Variants in DMXL2 observed in about 807,000 individuals in gnomAD.
DMXL2 encodes the protein dmX-like protein 2.
Under a neutral mutation model 331.1 loss-of-function variants are expected in DMXL2, and 103 were observed. The observed-to-expected ratio is 0.31, with a 90% CI of 0.27 to 0.37. DMXL2 has a LOEUF of 0.37. DMXL2 is among the 10% of genes least tolerant of loss of function. The probability of loss-of-function intolerance (pLI) is 1.00; values close to 1 mark genes in which losing one functional copy is unlikely to be tolerated. For missense variants in DMXL2, 3,171 were observed against 3,642.9 expected (o/e 0.87, Z 3.33); for synonymous variants, 1,281 against 1,252.1 (o/e 1.02, Z -0.49).
intron 36 of DMXL2, 178 bp from the exon 37 acceptor site, chr15:51,457,644 T>C: frequency 1.6e-6 from 1 of 631,364 alleles, no homozygotes; most frequent in Non-Finnish European, 2.5e-6. Flanking sequence ...CTTTTTTCCC[T>C]TTTGGCAAAA....
intron 1 of DMXL2, among the ~76,000 whole-genome samples, chr15:51,590,841 T>A (rs2052251034): frequency 6.6e-6 from 1 of 152,292 alleles, no homozygotes; most frequent in Non-Finnish European, 1.5e-5. Flanking sequence ...CATGTGCTTA[T>A]ATTTTGCTAG....
At chr15:51,606,426 C>G (rs961766515) in intron 1 of DMXL2, among the ~76,000 whole-genome samples, 2 of 152,114 alleles carry the variant, frequency 1.3e-5, no homozygotes, top group African/African-American at 4.8e-5. Flanking sequence ...AACTCCTGAC[C>G]TCAGGTTATC....
intron 29 of DMXL2, among the ~76,000 whole-genome samples, chr15:51,466,949 G>C (rs1410415439): frequency 6.6e-6 from 1 of 151,824 alleles, no homozygotes; most frequent in Admixed American, 6.6e-5. Flanking sequence ...ATGTAGTCTA[G>C]ATTGATGCAA....
At chr15:51,607,781 G>A (rs79942016) in intron 1 of DMXL2, among the ~76,000 whole-genome samples, 13,445 of 152,170 alleles carry the variant, frequency 0.088, 888 homozygotes, top group Non-Finnish European at 0.13. Context: ...AGCAGTTTAC[G>A]TCTCAACAGA....
chr15:51,579,228 C>T (rs1361814411), intron 1 of DMXL2, among the ~76,000 whole-genome samples: 2 of 152,162 alleles, frequency 1.3e-5, no homozygotes, highest in Non-Finnish European at 2.9e-5. Flanking sequence ...TCCTGTTGAA[C>T]CAGAGTTACG....
intron 3 of DMXL2, among the ~76,000 whole-genome samples, chr15:51,565,912 T>C (rs2050238150): frequency 6.6e-6 from 1 of 152,140 alleles, no homozygotes; most frequent in Non-Finnish European, 1.5e-5. Context: ...GTATACAAGG[T>C]TTCCTGACTA....
At chr15:51,476,507 C>T (rs2041593199) in intron 27 of DMXL2, 82 bp downstream of exon 27, 3 of 1,484,786 alleles carry the variant, frequency 2.0e-6, no homozygotes, top group Non-Finnish European at 2.7e-6. Context: ...AATCCAGCAA[C>T]AAGCAGGAAA....
At chr15:51,538,604 G>C in intron 9 of DMXL2, 152 bp from the exon 10 acceptor site, 2 of 580,632 alleles carry the variant, frequency 3.4e-6, no homozygotes, top group Non-Finnish European at 5.7e-6. Context: ...GAATTTAATG[G>C]TAAATGTAAA....
At chr15:51,535,881 C>G in intron 12 of DMXL2, 97 bp from the exon 13 acceptor site, 1 of 1,373,378 alleles carries the variant, frequency 7.3e-7, no homozygotes, top group Non-Finnish European at 9.7e-7. Context: ...TTTTTTTAGG[C>G]TTAACCATGG....
At chr15:51,552,179 A>G (rs1011082060) in intron 6 of DMXL2, among the ~76,000 whole-genome samples, 14 of 152,230 alleles carry the variant, frequency 9.2e-5, no homozygotes, top group African/African-American at 2.9e-4. Context: ...GAAGGGCCAG[A>G]TCATACAGCA....
At chr15:51,582,387 T>C (rs1303307674) in intron 1 of DMXL2, among the ~76,000 whole-genome samples, 1 of 152,172 alleles carries the variant, frequency 6.6e-6, no homozygotes, top group Non-Finnish European at 1.5e-5. Flanking sequence ...CTTTATTAAT[T>C]GCATTTAAAT....
chr15:51,619,503 T>C (rs933634765), intron 1 of DMXL2, among the ~76,000 whole-genome samples: 1 of 152,216 alleles, frequency 6.6e-6, no homozygotes, highest in East Asian at 1.9e-4. Flanking sequence ...TGCAGTACCA[T>C]GTCAATATTG....
intron 6 of DMXL2, among the ~76,000 whole-genome samples, chr15:51,561,195 AGAAAGAAATAACAC>A (rs2049947186): frequency 6.6e-6 from 1 of 152,358 alleles, no homozygotes; most frequent in East Asian, 1.9e-4. Context: ...ATTCAGAGAG[AGAAAGAAATAACAC>A]GAAAGAAATA....
intron 3 of DMXL2, among the ~76,000 whole-genome samples, chr15:51,566,356 C>G (rs986822945): frequency 1.3e-5 from 2 of 151,964 alleles, no homozygotes; most frequent in East Asian, 3.9e-4. Flanking sequence ...TTTTTAAACC[C>G]TACCACTGCT....
At chr15:51,522,372 G>A (rs756869058) in intron 13 of DMXL2, among the ~76,000 whole-genome samples, 4 of 152,180 alleles carry the variant, frequency 2.6e-5, no homozygotes, top group South Asian at 4.1e-4. Flanking sequence ...GGGGCTGGGC[G>A]CAGTGGTGCA....
intron 16 of DMXL2, among the ~76,000 whole-genome samples, chr15:51,504,943 T>C (rs1030678846): frequency 6.6e-6 from 1 of 152,214 alleles, no homozygotes; most frequent in Non-Finnish European, 1.5e-5. Context: ...GCAAAGACTT[T>C]AGAGTCAACA....
At position 51,460,149 on chromosome 15, in the gene DMXL2, A is replaced by T. The variant is rs1043349306; in HGVS notation, c.7927-489T>A. The T allele has an allele frequency of 2.5e-5, 25 of 980,482 alleles. No homozygotes were observed. In the African/African-American group the frequency reaches 4.2e-4, roughly 16 times the overall value. The allele number at this position is 980,482 out of a possible 1,614,324, so 60.7% of individuals were successfully genotyped here. A position where few individuals can be genotyped will look rare whatever the true frequency, so the allele number is the denominator to read the frequency against. On this transcript the variant is annotated intron_variant, in intron 33 of 43. Transcript: ENST00000560891. ...AAGTAAATAAATGTTTAATAAAATCAGGCACGGAAAAAGAAATAACTCAGT... is the reference window on the plus strand; with the variant it reads ...AAGTAAATAAATGTTTAATAAAATCTGGCACGGAAAAAGAAATAACTCAGT...
chr15:51,531,115 T>C (rs2047978488), intron 13 of DMXL2, among the ~76,000 whole-genome samples: 2 of 152,154 alleles, frequency 1.3e-5, no homozygotes, highest in Admixed American at 6.5e-5. Flanking sequence ...AAAATCATAT[T>C]ATCTGACTTC....
At chr15:51,564,029 G>T in intron 5 of DMXL2, 96 bp downstream of exon 5, 1 of 1,356,236 alleles carries the variant, frequency 7.4e-7, no homozygotes, top group Non-Finnish European at 1.0e-6. Context: ...AAATGCAATG[G>T]TACCATCAAA....
Sources: gnomAD v4.1 joint callset for allele counts (sites outside exome capture counted in the v4.1 genomes callset) on GRCh38, gnomAD v4.1.1 for gene constraint, MANE v1.5 for transcripts, NCBI Gene and HGNC (gene_info 2026-07-23, HGNC 2026-07-21) for gene names.